Variants in ARHGAP44 observed in about 807,000 individuals in gnomAD.
ARHGAP44 encodes rho GTPase-activating protein 44.
ARHGAP44 carries 43 observed loss-of-function variants against 106.8 expected under a neutral mutation model. The ratio of observed to expected loss-of-function variants is 0.40; its 90% CI spans 0.32 to 0.52. ARHGAP44 has a LOEUF of 0.52. Ranked by LOEUF, ARHGAP44 falls within the 20% of genes least tolerant of loss-of-function variation. ARHGAP44 has a pLI of 0.48. For missense variants in ARHGAP44, 866 were observed against 1,050.5 expected (o/e 0.82, Z 2.43); for synonymous variants, 439 against 410.3 (o/e 1.07, Z -0.85).
At chr17:12,941,408 G>C (rs2086777850) in intron 8 of ARHGAP44, among the ~76,000 whole-genome samples, 1 of 152,234 alleles carries the variant, frequency 6.6e-6, no homozygotes, top group South Asian at 2.1e-4. Context: ...AATATCTGGA[G>C]ACATTTTTGA....
intron 1 of ARHGAP44, among the ~76,000 whole-genome samples, chr17:12,810,216 A>G (rs925170550): frequency 2.6e-5 from 4 of 152,194 alleles, no homozygotes; most frequent in Admixed American, 6.5e-5. Flanking sequence ...ATAACAAATC[A>G]CCACAAACTG....
At chr17:12,808,884 T>C (rs1450587348) in intron 1 of ARHGAP44, among the ~76,000 whole-genome samples, 3 of 152,254 alleles carry the variant, frequency 2.0e-5, no homozygotes, top group South Asian at 4.1e-4. Flanking sequence ...GCTTCTCTTT[T>C]AAACGTAAGT....
intron 1 of ARHGAP44, among the ~76,000 whole-genome samples, chr17:12,882,321 C>T (rs1315909100): frequency 1.3e-5 from 2 of 151,910 alleles, no homozygotes; most frequent in African/African-American, 2.4e-5. Context: ...TTGTATCTAG[C>T]CATCTTTCTC....
chr17:12,990,328 G>A lies in ARHGAP44; in HGVS notation c.*157G>A, dbSNP rs1031762621. ...ATTTGGCAGAAAATTGTGATCTCCAGTCCGTGTGGTGATGCTGGTGGTGCA... is the reference window on the plus strand; with the variant it reads ...ATTTGGCAGAAAATTGTGATCTCCAATCCGTGTGGTGATGCTGGTGGTGCA... On this transcript the variant is annotated 3_prime_UTR_variant, in exon 21 of 21. Transcript: ENST00000379672. 116 of 952,060 alleles carry A rather than the reference G, an allele frequency of 1.2e-4. No homozygotes were observed. Among genetic ancestry groups the A allele is most frequent in the Non-Finnish European group, 1.7e-4 (112 of 655,754 alleles). The allele number at this position is 952,060 out of a possible 1,614,324, so 59.0% of individuals were successfully genotyped here.
At chr17:12,902,702 C>T (rs987590027) in intron 3 of ARHGAP44, among the ~76,000 whole-genome samples, 20 of 152,144 alleles carry the variant, frequency 1.3e-4, no homozygotes, top group African/African-American at 4.3e-4. Context: ...ATCTGACGAC[C>T]CAAGGGTGAA....
chr17:12,826,967 C>T (rs1167105616), intron 1 of ARHGAP44, among the ~76,000 whole-genome samples: 2 of 152,102 alleles, frequency 1.3e-5, no homozygotes, highest in Non-Finnish European at 2.9e-5. Context: ...CCAATCACCA[C>T]CTTAAGCTTC....
intron 1 of ARHGAP44, among the ~76,000 whole-genome samples, chr17:12,818,384 T>A (rs1597885331): frequency 6.7e-6 from 1 of 148,736 alleles, no homozygotes; most frequent in East Asian, 2.0e-4. Context: ...TATTTAATGG[T>A]AGAAGAGTGA....
intron 1 of ARHGAP44, among the ~76,000 whole-genome samples, chr17:12,864,896 G>A (rs1597963937): frequency 6.6e-6 from 1 of 152,114 alleles, no homozygotes; most frequent in Non-Finnish European, 1.5e-5. Flanking sequence ...AGATGAAGGG[G>A]AAGAAATTCT....
At chr17:12,926,686 G>A (rs2038257717) in intron 6 of ARHGAP44, among the ~76,000 whole-genome samples, 1 of 151,256 alleles carries the variant, frequency 6.6e-6, no homozygotes, top group Non-Finnish European at 1.5e-5. Context: ...AGGAACTTGG[G>A]AAAATGTCTT....
intron 16 of ARHGAP44, among the ~76,000 whole-genome samples, chr17:12,960,653 C>T (rs1237376077): frequency 2.6e-5 from 4 of 152,048 alleles, no homozygotes; most frequent in Admixed American, 6.5e-5. Context: ...CTCTGCATCC[C>T]GGTTTCAAGT....
intron 20 of ARHGAP44, chr17:12,985,429 G>C (rs900640941): frequency 1.3e-5 from 2 of 152,440 alleles, no homozygotes; most frequent in Non-Finnish European, 2.9e-5. Context: ...AAACATGCAT[G>C]TCTCCATTCT....
At chr17:12,827,142 T>C (rs538896680) in intron 1 of ARHGAP44, among the ~76,000 whole-genome samples, 1 of 151,190 alleles carries the variant, frequency 6.6e-6, no homozygotes, top group Non-Finnish European at 1.5e-5. Context: ...GTTCTCTTAT[T>C]TATTTAATTC....
chr17:12,791,885 G>C (rs901006564), intron 1 of ARHGAP44, among the ~76,000 whole-genome samples: 1 of 152,190 alleles, frequency 6.6e-6, no homozygotes, highest in Non-Finnish European at 1.5e-5. Flanking sequence ...GGGCCAGCCT[G>C]TATCGCTTTT....
chr17:12,833,478 G>A (rs1399699788), intron 1 of ARHGAP44, among the ~76,000 whole-genome samples: 1 of 152,112 alleles, frequency 6.6e-6, no homozygotes, highest in Non-Finnish European at 1.5e-5. Context: ...ATTTCCCCAA[G>A]GATGTTTCTG....
In ARHGAP44 at chr17:12,949,258, A is replaced by C. The variant is rs2038936875; in HGVS notation, c.973+7A>C. 1 of 1,552,842 alleles carries C rather than the reference A, an allele frequency of 6.4e-7. No individual in the cohort carries two copies. The highest frequency in any genetic ancestry group is 1.4e-5 in the African/African-American group (1 of 73,238). On this transcript the variant is annotated splice_region_variant and intron_variant, in intron 11 of 20. Coordinates refer to ENST00000379672, the MANE Select transcript of ARHGAP44 (RefSeq NM_014859.6). This position sits in a 1 kb window ranked among gnomAD's most constrained non-coding sequence, Gnocchi z 4.1. ...GACCCCCACGCAATTGCAGGTGGGC[A>C]CCTCTCAGCGCTCCTGTGTGCCATG...
At chr17:12,860,856 C>CTTTTT (rs71144929) in intron 1 of ARHGAP44, among the ~76,000 whole-genome samples, 55 of 135,808 alleles carry the variant, frequency 4.0e-4, no homozygotes, top group Non-Finnish European at 7.0e-4. Flanking sequence ...TTTTTCTATT[C>CTTTTT]TTTTTTTTTT....
At chr17:12,932,574 T>C (rs1223340432) in intron 7 of ARHGAP44, among the ~76,000 whole-genome samples, 2 of 152,230 alleles carry the variant, frequency 1.3e-5, no homozygotes, top group East Asian at 3.8e-4. Flanking sequence ...GGACATCTTC[T>C]ACACAAAAGT....
intron 1 of ARHGAP44, among the ~76,000 whole-genome samples, chr17:12,828,559 ACTT>A (rs889765346): frequency 6.7e-6 from 1 of 150,330 alleles, no homozygotes; most frequent in Non-Finnish European, 1.5e-5. Context: ...GATATGTACT[ACTT>A]AATTATGATA....
rs150749168 is a variant in ARHGAP44, at chr17:12,899,375, A to G, written c.198+2864A>G. Among the ~76,000 whole-genome samples, 73 of 152,332 alleles carry G rather than the reference A, an allele frequency of 4.8e-4. 2 individuals are homozygous for G. In the East Asian group the frequency reaches 0.014, roughly 29 times the overall value. ...TAAATGGTCTGAAAGTCAAAGAGCC[A>G]TTTAAAATAGGAAACAATCAAAGAA... is the stretch of plus-strand genomic sequence containing the variant. On this transcript the variant is annotated intron_variant, in intron 3 of 20. Transcript: ENST00000379672.
Sources: gnomAD v4.1 joint callset for allele counts (sites outside exome capture counted in the v4.1 genomes callset) on GRCh38, gnomAD v4.1.1 for gene constraint, Gnocchi (gnomAD v3.1) non-coding constraint, MANE v1.5 for transcripts, NCBI Gene and HGNC (gene_info 2026-07-23, HGNC 2026-07-21) for gene names.